ADAMTS3: variants seen among roughly 807,000 people sequenced by gnomAD.
ADAMTS3 encodes ADAM metallopeptidase with thrombospondin type 1 motif 3.
In ADAMTS3, 73 loss-of-function variants were observed where a neutral mutation model predicts 129.0. The ratio of observed to expected loss-of-function variants is 0.57; its 90% confidence interval spans 0.47 to 0.69. The LOEUF is 0.69. Ranked by LOEUF, ADAMTS3 falls within the 30% of genes least tolerant of loss-of-function variation. The pLI is 0.00. For synonymous variants in ADAMTS3, 477 were observed against 510.8 expected (o/e 0.93, Z 0.89); for missense variants, 1,457 against 1,514.5 (o/e 0.96, Z 0.63).
chr4:72,470,766 G>A (rs1018362692), intron 3 of ADAMTS3, among the ~76,000 whole-genome samples: 9 of 152,016 alleles, frequency 5.9e-5, no homozygotes, highest in Non-Finnish European at 1.0e-4. Flanking sequence ...AACTGTACTA[G>A]GAGTCATCAT....
rs111818372 is a variant in ADAMTS3 at position 72,347,377 on chromosome 4, C to A, written c.662-7684G>T. Among the ~76,000 whole-genome samples the A allele has an allele frequency of 1.1e-4, 16 of 151,738 alleles. 2 individuals carry two copies. Among genetic ancestry groups the A allele is most frequent in the African/African-American group, 3.9e-4 (16 of 41,400 alleles). ...GCCTGATAAATAAGCCCATTTATAC[C>A]CTTTCTCTGCTACAGTCATCAATAG... is the stretch of plus-strand genomic sequence containing the variant. On this transcript the variant is annotated intron_variant, in intron 4 of 21. Coordinates refer to ENST00000286657, the MANE Select transcript of ADAMTS3 (RefSeq NM_014243.3).
At chr4:72,518,991 A>C (rs1315404357) in intron 3 of ADAMTS3, among the ~76,000 whole-genome samples, 2 of 151,516 alleles carry the variant, frequency 1.3e-5, no homozygotes, top group African/African-American at 4.9e-5. Context: ...GTTCCTTTCC[A>C]TGTTTAGTGC....
intron 3 of ADAMTS3, among the ~76,000 whole-genome samples, chr4:72,533,976 A>G (rs1244806818): frequency 6.6e-6 from 1 of 152,210 alleles, no homozygotes; most frequent in Non-Finnish European, 1.5e-5. Flanking sequence ...TTCCTCGGCC[A>G]GAAGGACACT....
chr4:72,331,249 T>C (rs1260085542), intron 5 of ADAMTS3, among the ~76,000 whole-genome samples: 2 of 152,120 alleles, frequency 1.3e-5, no homozygotes, highest in African/African-American at 4.8e-5. Context: ...TTATAAAAGG[T>C]GGCTGAATCG....
In ADAMTS3 at chr4:72,303,978, A is replaced by G. The variant is rs374084753; in HGVS notation, c.2363T>C (p.Ile788Thr). ...GTGAAGACTTTCAATGTCATCTTCA[A>G]TGTTATAATCCCACTCCACACCAAG... The part of the protein sequence containing the change: ...IDLGVEWDYN[I>T]EDDIESLHTD... The change falls in exon 17 of 22, where the codon ATT becomes ACT. Residue 788 changes from isoleucine (I) to threonine (T), a missense_variant. Ile to Thr is a moderately conservative substitution (Grantham distance 89). Coordinates refer to ENST00000286657, the MANE Select transcript of ADAMTS3 (RefSeq NM_014243.3). The G allele has an allele frequency of 1.8e-5, 29 of 1,613,686 alleles. No homozygotes were observed. The African/African-American group carries it at 2.3e-4, about 13-fold the overall frequency.
chr4:72,526,525 A>T (rs1297306990), intron 3 of ADAMTS3, among the ~76,000 whole-genome samples: 1 of 149,850 alleles, frequency 6.7e-6, no homozygotes, highest in Non-Finnish European at 1.5e-5. Flanking sequence ...ATACATATAA[A>T]ACAGTCTACT....
At chr4:72,308,552 AC>A (rs1719148042) in intron 15 of ADAMTS3, among the ~76,000 whole-genome samples, 1 of 151,938 alleles carries the variant, frequency 6.6e-6, no homozygotes, top group Non-Finnish European at 1.5e-5. Flanking sequence ...TTGAGCAAAC[AC>A]CACATCAAAT....
At chr4:72,541,779 TCCA>T (rs536093127) in intron 3 of ADAMTS3, among the ~76,000 whole-genome samples, 5 of 152,178 alleles carry the variant, frequency 3.3e-5, no homozygotes, top group Non-Finnish European at 7.4e-5. Context: ...TCCTTTGCCT[TCCA>T]CCACGATTGT....
chr4:72,507,232 T>C (rs1056610661), intron 3 of ADAMTS3, among the ~76,000 whole-genome samples: 4 of 152,174 alleles, frequency 2.6e-5, no homozygotes, highest in Non-Finnish European at 4.4e-5. Context: ...CCATTATATA[T>C]GCCTGCCCAG....
At position 72,390,867 on chromosome 4, in the gene ADAMTS3, C is replaced by A. The variant is rs1165008576; in HGVS notation, c.661+23948G>T. ...CTTTCTAACTTCCCAATGGTGACTC[C>A]TTTTTCCTAGGTTCCTAGAAAAAAT... On this transcript the variant is annotated intron_variant, in intron 4 of 21. Coordinates refer to ENST00000286657, the MANE Select transcript of ADAMTS3 (RefSeq NM_014243.3). Among the ~76,000 whole-genome samples, 3 of 149,004 alleles carry A rather than the reference C, an allele frequency of 2.0e-5. No individual in the cohort carries two copies. In the Admixed American group the frequency reaches 2.1e-4, roughly 10 times the overall value.
At chr4:72,295,004 G>C (rs1017784980) in intron 19 of ADAMTS3, among the ~76,000 whole-genome samples, 1 of 151,968 alleles carries the variant, frequency 6.6e-6, no homozygotes, top group African/African-American at 2.4e-5. Flanking sequence ...AAAGTGACAG[G>C]ATACTTGGAT....
intron 3 of ADAMTS3, among the ~76,000 whole-genome samples, chr4:72,493,243 C>T (rs1719791746): frequency 6.6e-6 from 1 of 151,936 alleles, no homozygotes; most frequent in Non-Finnish European, 1.5e-5. Flanking sequence ...TAGGTGAGGA[C>T]ATACTGTTAC....
intron 3 of ADAMTS3, among the ~76,000 whole-genome samples, chr4:72,432,962 C>T (rs1466217374): frequency 6.6e-6 from 1 of 151,904 alleles, no homozygotes; most frequent in East Asian, 1.9e-4. Context: ...CAGCATCCAC[C>T]TAAGCTGGAA....
chr4:72,301,679 G>A (rs994072493), intron 17 of ADAMTS3, among the ~76,000 whole-genome samples: 2 of 151,548 alleles, frequency 1.3e-5, no homozygotes, highest in Non-Finnish European at 2.9e-5. Context: ...GATATTAAAA[G>A]CTATAAAACT....
Position 72,317,425 on chromosome 4 carries a change from T to C in ADAMTS3, c.1485+1147A>G, listed in dbSNP as rs546325385. Among the ~76,000 whole-genome samples the C allele has an allele frequency of 3.3e-5, 5 of 151,800 alleles. No individual in the cohort carries two copies. In the South Asian group the frequency reaches 8.3e-4, roughly 25 times the overall value. ...TAGCCCCATGAAACACTTACGTTCC[T>C]TGCTCTAACACCCAAAGCTTGCTCC... On this transcript the variant is annotated intron_variant, in intron 10 of 21. Transcript: ENST00000286657.
intron 15 of ADAMTS3, 38 bp from the exon 16 acceptor site, chr4:72,306,105 G>A (rs1560465766): frequency 1.3e-6 from 2 of 1,501,714 alleles, no homozygotes; most frequent in Admixed American, 2.1e-5. Flanking sequence ...AAGCAAAGAA[G>A]AAAACAAAAG....
chr4:72,288,960 ACACAC>A lies in ADAMTS3; in HGVS notation c.2932-97_2932-93del, dbSNP rs1718588364. 5.1e-6 allele frequency: 4 copies of A among 778,226 alleles called. No individual in the cohort carries two copies. The South Asian group carries it at 6.4e-5, about 12-fold the overall frequency. 48.2% of individuals were successfully genotyped at this position (778,226 alleles called of 1,614,324 possible). On this transcript the variant is annotated intron_variant, in intron 20 of 21. Transcript: ENST00000286657. ...CACACACACACACACACACACACACACACACACAAAGACACAGAGATCTGGAGTGG... is the reference window on the plus strand; with the variant it reads ...CACACACACACACACACACACACACAACAAAGACACAGAGATCTGGAGTGG...
chr4:72,409,459 C>T (rs1216611424), intron 4 of ADAMTS3, among the ~76,000 whole-genome samples: 1 of 152,136 alleles, frequency 6.6e-6, no homozygotes, highest in Non-Finnish European at 1.5e-5. Context: ...TTTAAAACCT[C>T]CCAGTTCTCT....
At chr4:72,475,974 G>A (rs977880202) in intron 3 of ADAMTS3, among the ~76,000 whole-genome samples, 3 of 151,730 alleles carry the variant, frequency 2.0e-5, no homozygotes, top group Non-Finnish European at 2.9e-5. Context: ...AGTTAAAGCA[G>A]TACAAAAAGA....
Sources: allele counts gnomAD v4.1 joint callset (sites outside exome capture counted in the v4.1 genomes callset), GRCh38; gene constraint gnomAD v4.1.1; transcripts MANE v1.5; gene names NCBI Gene and HGNC (gene_info 2026-07-23, HGNC 2026-07-21).